OOEP: variants seen among roughly 807,000 people sequenced by gnomAD.
The protein encoded by OOEP is oocyte expressed protein.
OOEP carries 16 observed loss-of-function variants against 13.7 expected under a neutral mutation model. The observed-to-expected ratio is 1.16, with a 90% CI of 0.79 to 1.77. The LOEUF (loss-of-function observed/expected upper bound fraction) is 1.77, where lower values mean the gene tolerates loss of function less well. OOEP is among the 40% of genes most tolerant of loss of function. The pLI is 0.00. For synonymous variants in OOEP, 89 were observed against 77.1 expected, an observed-to-expected ratio of 1.15 and a Z score of -0.81; for missense variants, 195 against 193.1, an observed-to-expected ratio of 1.01 and a Z score of -0.06.
intron 2 of OOEP, chr6:73,394,327 C>T (rs567243121): frequency 6.3e-5 from 45 of 715,534 alleles, no homozygotes; most frequent in Admixed American, 2.8e-4. Flanking sequence ...GATTGGGTCA[C>T]CTTGTAACAG....
At chr6:73,389,710 G>T (rs562465141) in intron 2 of OOEP, among the ~76,000 whole-genome samples, 1 of 144,550 alleles carries the variant, frequency 6.9e-6, no homozygotes, top group South Asian at 2.2e-4. Flanking sequence ...GGGGGGAGGG[G>T]GGAAGGGATA....
chr6:73,372,998 G>A (rs1330917032), upstream of OOEP: 2 of 909,206 alleles, frequency 2.2e-6, no homozygotes, highest in Non-Finnish European at 3.5e-6. Context: ...GATTCAGAGA[G>A]GAAAACACGT....
chr6:73,378,100 C>G (rs1427930313), intron 2 of OOEP, among the ~76,000 whole-genome samples: 1 of 131,530 alleles, frequency 7.6e-6, no homozygotes, highest in Non-Finnish European at 1.7e-5. Flanking sequence ...TCTTCTTCTT[C>G]TATTTTTTTT....
At chr6:73,377,465 G>A (rs199719383) in intron 2 of OOEP, among the ~76,000 whole-genome samples, 5 of 152,020 alleles carry the variant, frequency 3.3e-5, no homozygotes, top group African/African-American at 4.8e-5. Flanking sequence ...TCAAGTTCTC[G>A]TGAATATACC....
In OOEP at chr6:73,368,869, A is replaced by G. The variant is rs1768997740; in HGVS notation, c.371-6T>C. 6.2e-7 allele frequency: 1 copy of G among 1,609,284 alleles called. No individual in the cohort carries two copies. Among genetic ancestry groups the G allele is most frequent in the South Asian group, 1.1e-5 (1 of 90,960 alleles). On this transcript the variant is annotated splice_polypyrimidine_tract_variant and splice_region_variant and intron_variant, in intron 2 of 2. Transcript: ENST00000370359. ...AAGGTGTTTCATCTTCTCAGCTGGA[A>G]GAGAAGCAGTTGATACTAACCATGG...
At chr6:73,374,109 G>A (rs1769101614), upstream of OOEP, among the ~76,000 whole-genome samples, 1 of 152,016 alleles carries the variant, frequency 6.6e-6, no homozygotes, top group Non-Finnish European at 1.5e-5. Context: ...GATAGCCTGA[G>A]TGCACAAGGT....
intron 2 of OOEP, among the ~76,000 whole-genome samples, chr6:73,382,350 G>T (rs12182385): frequency 0.28 from 42,313 of 150,942 alleles, 6,141 homozygotes; most frequent in Admixed American, 0.36. Context: ...CCTGAGTAGC[G>T]GGGATTACAG....
chr6:73,378,431 C>A (rs971168928), intron 2 of OOEP, among the ~76,000 whole-genome samples: 2 of 152,026 alleles, frequency 1.3e-5, no homozygotes, highest in Non-Finnish European at 2.9e-5. Flanking sequence ...TCTGAGCCAG[C>A]AGTTCTCAAA....
chr6:73,383,685 T>G (rs1237259169), intron 2 of OOEP, among the ~76,000 whole-genome samples: 1 of 151,966 alleles, frequency 6.6e-6, no homozygotes, highest in Non-Finnish European at 1.5e-5. Context: ...TAATAAAGAT[T>G]AGAGTAAAAA....
Position 73,369,648 on chromosome 6 carries a change from G to A in OOEP, c.145C>T (p.Pro49Ser), listed in dbSNP as rs749151626. 1.1e-4 allele frequency: 183 copies of A among 1,613,868 alleles called. No homozygotes were observed. Among genetic ancestry groups the A allele is most frequent in the Non-Finnish European group, 1.5e-4 (177 of 1,179,894 alleles). The stretch of plus-strand genomic sequence containing the variant: ...CATGCCTCTAGGTAGAACACCAAAG[G>A]GTCTCTCAGTTCCTGCACCGGAAAC... ...WWFPVQELRD[P>S]LVFYLEAWLA... The change falls in exon 1 of 3, where the codon CCT becomes TCT. Residue 49 changes from proline (P) to serine (S), a missense_variant. By Grantham distance (74) the Pro-to-Ser change is moderately conservative (BLOSUM62 -1). Transcript: ENST00000370359.
chr6:73,370,948 T>C (rs1030428995), upstream of OOEP, among the ~76,000 whole-genome samples: 1 of 151,978 alleles, frequency 6.6e-6, no homozygotes, highest in African/African-American at 2.4e-5. Flanking sequence ...CACCCAGCTA[T>C]TTTCCAGCTC....
chr6:73,374,726 A>T (rs956076972), upstream of OOEP, among the ~76,000 whole-genome samples: 1 of 151,402 alleles, frequency 6.6e-6, no homozygotes, highest in Non-Finnish European at 1.5e-5. Context: ...CCTAGCCTGG[A>T]GTTTTTACTG....
chr6:73,394,164 G>C (rs1303473337), intron 2 of OOEP, among the ~76,000 whole-genome samples: 14 of 152,088 alleles, frequency 9.2e-5, no homozygotes, highest in Non-Finnish European at 2.1e-4. Flanking sequence ...CAACATACTG[G>C]GAACTCCCAT....
chr6:73,377,242 G>T (rs772382183), intron 2 of OOEP, among the ~76,000 whole-genome samples: 5 of 152,248 alleles, frequency 3.3e-5, no homozygotes, highest in Non-Finnish European at 5.9e-5. Context: ...ATATAATCCT[G>T]TGAAAACTGT....
chr6:73,391,103 G>C (rs1769341369), intron 2 of OOEP: 1 of 152,026 alleles, frequency 6.6e-6, no homozygotes, highest in Non-Finnish European at 1.5e-5. Flanking sequence ...ATTTGTTCCT[G>C]GTGTTTTTCT....
intron 2 of OOEP, among the ~76,000 whole-genome samples, chr6:73,385,612 G>T (rs1233645737): frequency 1.0e-4 from 15 of 147,864 alleles, no homozygotes; most frequent in Non-Finnish European, 2.1e-4. Context: ...TTTTTTTTCG[G>T]AGTCTCACTC....
intron 2 of OOEP, among the ~76,000 whole-genome samples, chr6:73,378,145 C>A (rs1769158090): frequency 6.6e-6 from 1 of 151,600 alleles, no homozygotes; most frequent in East Asian, 2.0e-4. Flanking sequence ...CTCTGACACC[C>A]AGATTGGAGT....
At chr6:73,374,784 GGGAA>G (rs1278237449), upstream of OOEP, among the ~76,000 whole-genome samples, 3 of 152,060 alleles carry the variant, frequency 2.0e-5, no homozygotes, top group Admixed American at 6.6e-5. Context: ...TTACTGATGG[GGGAA>G]GGGAGACTGA....
chr6:73,379,387 G>A (rs552765808), intron 2 of OOEP, among the ~76,000 whole-genome samples: 28 of 151,094 alleles, frequency 1.9e-4, no homozygotes, highest in Admixed American at 1.8e-3. Flanking sequence ...GCTCACGCCT[G>A]TAATCCCAGC....
Sources: gnomAD v4.1 joint callset for allele counts (sites outside exome capture counted in the v4.1 genomes callset) on GRCh38, gnomAD v4.1.1 for gene constraint, MANE v1.5 for transcripts, NCBI Gene and HGNC (gene_info 2026-07-23, HGNC 2026-07-21) for gene names.